The following CCDC175 variants were observed in gnomAD, a reference collection of about 807,000 sequenced individuals.
CCDC175 encodes the protein coiled-coil domain-containing protein 175.
A neutral mutation model predicts 114.6 loss-of-function variants in CCDC175; 100 were observed. The observed-to-expected ratio is 0.87, with a 90% CI of 0.74 to 1.03. The LOEUF is 1.03. Among genes scored for constraint, CCDC175 ranks in the 50% least tolerant of loss-of-function variants. CCDC175 has a pLI of 0.00. For synonymous variants in CCDC175, 306 were observed against 308.7 expected, an observed-to-expected ratio of 0.99 and a Z score of 0.09; for missense variants, 880 against 917.8, an observed-to-expected ratio of 0.96 and a Z score of 0.53.
intron 15 of CCDC175, among the ~76,000 whole-genome samples, chr14:59,526,412 C>A (rs533374775): frequency 2.6e-5 from 4 of 152,158 alleles, no homozygotes; most frequent in Non-Finnish European, 1.5e-5. Context: ...TCGAAACCAG[C>A]CTGGCCAACA....
intron 7 of CCDC175, among the ~76,000 whole-genome samples, chr14:59,555,113 A>T (rs1895799299): frequency 3.3e-5 from 5 of 152,242 alleles, no homozygotes; most frequent in Admixed American, 1.3e-4. Context: ...AACTCATTTT[A>T]TGAGGCCAGC....
intron 8 of CCDC175, chr14:59,551,154 T>C (rs1020476343): frequency 5.5e-6 from 2 of 366,324 alleles, no homozygotes; most frequent in African/African-American, 4.2e-5. Flanking sequence ...ACAGTTCCTC[T>C]GTACATGGAC....
chr14:59,546,829 C>G (rs1300025645), intron 8 of CCDC175, among the ~76,000 whole-genome samples: 1 of 151,806 alleles, frequency 6.6e-6, no homozygotes, highest in African/African-American at 2.4e-5. Context: ...AGAGTGAGAT[C>G]CTGTCTCAAA....
intron 7 of CCDC175, among the ~76,000 whole-genome samples, chr14:59,553,723 T>A (rs1226249557): frequency 6.6e-6 from 1 of 152,040 alleles, no homozygotes; most frequent in South Asian, 2.1e-4. Context: ...GAGACCCATC[T>A]CATATGCAGA....
intron 8 of CCDC175, among the ~76,000 whole-genome samples, chr14:59,549,463 T>C (rs1412991072): frequency 6.6e-6 from 1 of 152,158 alleles, no homozygotes; most frequent in East Asian, 1.9e-4. Flanking sequence ...TAGTGATTTG[T>C]GACTATGCCA....
At chr14:59,569,205 G>T (rs942365532) in intron 3 of CCDC175, among the ~76,000 whole-genome samples, 1 of 152,218 alleles carries the variant, frequency 6.6e-6, no homozygotes, top group African/African-American at 2.4e-5. Context: ...AAACTAGCTG[G>T]TAGCTCTCCT....
intron 17 of CCDC175, among the ~76,000 whole-genome samples, chr14:59,515,947 C>A (rs996357765): frequency 6.6e-6 from 1 of 152,174 alleles, no homozygotes; most frequent in Admixed American, 6.5e-5. Flanking sequence ...TGTAAAAGAA[C>A]AGAAATTATA....
At chr14:59,563,411 T>A (rs1896337234) in intron 6 of CCDC175, among the ~76,000 whole-genome samples, 1 of 152,182 alleles carries the variant, frequency 6.6e-6, no homozygotes, top group Admixed American at 6.5e-5. Flanking sequence ...TTCATTTTGT[T>A]ATACAAAATG....
At chr14:59,554,031 C>G (rs1024679657) in intron 7 of CCDC175, among the ~76,000 whole-genome samples, 6 of 152,154 alleles carry the variant, frequency 3.9e-5, no homozygotes, top group Non-Finnish European at 7.3e-5. Flanking sequence ...CTTTAACACC[C>G]CACTGTCAAC....
intron 7 of CCDC175, among the ~76,000 whole-genome samples, chr14:59,558,478 A>C (rs1448063651): frequency 6.6e-6 from 1 of 152,186 alleles, no homozygotes; most frequent in Non-Finnish European, 1.5e-5. Flanking sequence ...ATATATTTTG[A>C]ATATGAAGGC....
intron 18 of CCDC175, 46 bp from the exon 19 acceptor site, chr14:59,510,854 CATAA>C (rs1892697752): frequency 2.7e-6 from 4 of 1,486,542 alleles, no homozygotes; most frequent in South Asian, 1.2e-5. Context: ...ATTGCTACAA[CATAA>C]ATAAATACAC....
chr14:59,551,115 C>T, intron 8 of CCDC175: 1 of 318,306 alleles, frequency 3.1e-6, no homozygotes, highest in Admixed American at 5.1e-5. Flanking sequence ...TCCTAAGGTA[C>T]CCATACTCAC....
At chr14:59,574,559 A>T (rs1897005081) in intron 2 of CCDC175, among the ~76,000 whole-genome samples, 3 of 152,178 alleles carry the variant, frequency 2.0e-5, no homozygotes, top group Admixed American at 2.0e-4. Flanking sequence ...GTTAATTAGC[A>T]CCATGCTTGC....
intron 15 of CCDC175, 85 bp from the exon 16 acceptor site, chr14:59,525,519 C>T: frequency 3.2e-6 from 3 of 923,768 alleles, no homozygotes; most frequent in South Asian, 1.9e-5. Context: ...ACATTTGGAG[C>T]CAGATTCTAA....
intron 17 of CCDC175, among the ~76,000 whole-genome samples, chr14:59,517,810 G>GA (rs1339024421): frequency 2.0e-5 from 3 of 152,042 alleles, no homozygotes; most frequent in African/African-American, 7.2e-5. Context: ...CACAGAATTG[G>GA]AAAAAACTAC....
intron 6 of CCDC175, among the ~76,000 whole-genome samples, chr14:59,562,711 T>C (rs1185121772): frequency 6.6e-6 from 1 of 152,138 alleles, no homozygotes; most frequent in Non-Finnish European, 1.5e-5. Flanking sequence ...ACATATTTCA[T>C]TTTTCCCAAG....
chr14:59,561,578 G>A (rs1257260431), intron 6 of CCDC175, among the ~76,000 whole-genome samples: 3 of 152,100 alleles, frequency 2.0e-5, no homozygotes, highest in African/African-American at 7.2e-5. Flanking sequence ...TATCATCCCA[G>A]GATACCAAAA....
intron 8 of CCDC175, 128 bp downstream of exon 8, chr14:59,551,227 C>T (rs1895456956): frequency 5.8e-6 from 3 of 518,182 alleles, no homozygotes; most frequent in Non-Finnish European, 9.8e-6. Flanking sequence ...TAAATTACTA[C>T]AAACAACCAT....
chr14:59,534,808 C>T (rs1368683689), intron 13 of CCDC175, among the ~76,000 whole-genome samples: 1 of 152,174 alleles, frequency 6.6e-6, no homozygotes, highest in African/African-American at 2.4e-5. Context: ...GCCCTGTCGA[C>T]AACACATCCC....
Sources: gnomAD v4.1 joint callset for allele counts (sites outside exome capture counted in the v4.1 genomes callset) on GRCh38, gnomAD v4.1.1 for gene constraint, MANE v1.5 for transcripts, NCBI Gene and HGNC (gene_info 2026-07-23, HGNC 2026-07-21) for gene names.